Variants in PTGER4 observed in about 807,000 individuals in gnomAD.
PTGER4 encodes prostaglandin E2 receptor EP4 subtype.
PTGER4 carries 11 observed loss-of-function variants against 33.2 expected under a neutral mutation model. That is an observed-to-expected ratio of 0.33 (90% CI 0.21 to 0.55). The LOEUF is 0.55. Ranked by LOEUF, PTGER4 falls within the 20% of genes least tolerant of loss-of-function variation. The pLI, the probability that PTGER4 is intolerant of heterozygous loss-of-function variation, is 0.92. For synonymous variants in PTGER4, 275 were observed against 281.5 expected, an observed-to-expected ratio of 0.98 and a Z score of 0.23; for missense variants, 481 against 650.2, an observed-to-expected ratio of 0.74 and a Z score of 2.83.
the PTGER4 span, among the ~76,000 whole-genome samples, chr5:40,734,314 T>TGAACAGAC: frequency 0.3 from 45,277 of 152,038 alleles, 7,000 homozygotes; most frequent in East Asian, 0.56. Flanking sequence ...CAACTTCAGT[T>TGAACAGAC]TGGAACAGAC....
chr5:40,741,376 A>AAG, the PTGER4 span, among the ~76,000 whole-genome samples: 1 of 152,212 alleles, frequency 6.6e-6, no homozygotes, highest in Non-Finnish European at 1.5e-5. Flanking sequence ...TGAATGGCTG[A>AAG]AGCTTGAATA....
the PTGER4 span, among the ~76,000 whole-genome samples, chr5:40,738,484 C>A: frequency 0.042 from 3,724 of 88,494 alleles, 155 homozygotes; most frequent in East Asian, 0.2. Flanking sequence ...CAATACAATA[C>A]AATACAATAC....
At chr5:40,721,182 A>G in the PTGER4 span, among the ~76,000 whole-genome samples, 1 of 152,304 alleles carries the variant, frequency 6.6e-6, no homozygotes. Context: ...GTAGTGGAGT[A>G]CTGATGGAAT....
the PTGER4 span, among the ~76,000 whole-genome samples, chr5:40,703,902 C>CAAA: frequency 3.2e-4 from 12 of 37,264 alleles, 1 homozygote; most frequent in African/African-American, 6.8e-4. Context: ...GACGCCGTCT[C>CAAA]AAAAAAAAAA....
chr5:40,708,007 G>A, the PTGER4 span, among the ~76,000 whole-genome samples: 1 of 152,198 alleles, frequency 6.6e-6, no homozygotes, highest in African/African-American at 2.4e-5. Context: ...CAACATACCA[G>A]AATCTCTGGG....
chr5:40,713,170 A>G, the PTGER4 span, among the ~76,000 whole-genome samples: 2 of 152,156 alleles, frequency 1.3e-5, no homozygotes, highest in African/African-American at 4.8e-5. Context: ...TCTTATGTCA[A>G]CTCACAACTC....
chr5:40,746,408 A>G, the PTGER4 span, among the ~76,000 whole-genome samples: 2 of 152,182 alleles, frequency 1.3e-5, no homozygotes, highest in African/African-American at 4.8e-5. Context: ...TGTGCCCTCA[A>G]AGCTATTCAG....
At chr5:40,740,587 A>C in the PTGER4 span, among the ~76,000 whole-genome samples, 1 of 152,204 alleles carries the variant, frequency 6.6e-6, no homozygotes, top group East Asian at 1.9e-4. Flanking sequence ...AAGTAGCAGA[A>C]ATAAGAAGAC....
the PTGER4 span, among the ~76,000 whole-genome samples, chr5:40,744,297 A>C: frequency 6.6e-6 from 1 of 152,152 alleles, no homozygotes; most frequent in African/African-American, 2.4e-5. Context: ...TTTATTTTCC[A>C]CCCTTTATTC....
chr5:40,698,121 C>CAAAAAAAAAAAAAAAA (rs1339691632), downstream of PTGER4, among the ~76,000 whole-genome samples: 4 of 30,490 alleles, frequency 1.3e-4, 1 homozygote, highest in Non-Finnish European at 3.1e-4. Flanking sequence ...AAAAAAAAAC[C>CAAAAAAAAAAAAAAAA]ATGAAAAATT....
At chr5:40,746,483 T>C in the PTGER4 span, among the ~76,000 whole-genome samples, 548 of 152,310 alleles carry the variant, frequency 3.6e-3, 1 homozygote, top group Non-Finnish European at 6.1e-3. Context: ...AAGACCACCT[T>C]TTACTGACCA....
the PTGER4 span, among the ~76,000 whole-genome samples, chr5:40,701,905 C>A: frequency 1.3e-5 from 2 of 152,110 alleles, no homozygotes; most frequent in South Asian, 2.1e-4. Context: ...AAATCTTCAA[C>A]CAAGAATTTC....
At chr5:40,701,285 AT>A in the PTGER4 span, among the ~76,000 whole-genome samples, 2 of 152,350 alleles carry the variant, frequency 1.3e-5, no homozygotes, top group East Asian at 3.9e-4. Flanking sequence ...AAGAATCACA[AT>A]AAAGTGATAC....
At chr5:40,728,963 G>GTAGGGTTAGGGT in the PTGER4 span, among the ~76,000 whole-genome samples, 2 of 152,114 alleles carry the variant, frequency 1.3e-5, no homozygotes, top group Admixed American at 1.3e-4. Context: ...TACTAGGAAG[G>GTAGGGTTAGGGT]TAGGGTTAGG....
the PTGER4 span, among the ~76,000 whole-genome samples, chr5:40,739,810 T>G: frequency 6.6e-6 from 1 of 152,198 alleles, no homozygotes; most frequent in African/African-American, 2.4e-5. Flanking sequence ...TAGTGTATAT[T>G]TATTGATTTA....
chr5:40,696,764 G>A (rs1486962695), downstream of PTGER4: 1 of 920,834 alleles, frequency 1.1e-6, no homozygotes, highest in African/African-American at 1.8e-5. Context: ...GAACAATTAG[G>A]TAAGTATTTC....
the PTGER4 span, chr5:40,730,156 T>G: frequency 8.4e-6 from 7 of 836,092 alleles, no homozygotes; most frequent in African/African-American, 1.0e-4. Context: ...AAACCGTATT[T>G]GTAAAAGAAA....
chr5:40,723,864 C>CA, the PTGER4 span, among the ~76,000 whole-genome samples: 498 of 149,544 alleles, frequency 3.3e-3, 12 homozygotes, highest in Admixed American at 0.027. Flanking sequence ...GATTCCCTCT[C>CA]AAAAAAAAAC....
intron 2 of PTGER4, among the ~76,000 whole-genome samples, chr5:40,684,135 C>T (rs1051677481): frequency 8.3e-6 from 1 of 120,832 alleles, no homozygotes. Context: ...CCCCCCCCCC[C>T]ACAATTCAGC....
Sources: gnomAD v4.1 joint callset for allele counts (sites outside exome capture counted in the v4.1 genomes callset) on GRCh38, gnomAD v4.1.1 for gene constraint, MANE v1.5 for transcripts, NCBI Gene and HGNC (gene_info 2026-07-23, HGNC 2026-07-21) for gene names.